CRPPA: variants seen among roughly 807,000 people sequenced by gnomAD.
CRPPA encodes the protein D-ribitol-5-phosphate cytidylyltransferase.
CRPPA carries 43 observed loss-of-function variants against 52.0 expected under a neutral mutation model. The observed-to-expected ratio is 0.83, with a 90% CI of 0.65 to 1.07. The LOEUF is 1.07. Among genes scored for constraint, CRPPA ranks in the 50% least tolerant of loss-of-function variants. The probability of loss-of-function intolerance (pLI) is 0.00; values close to 1 mark genes in which losing one functional copy is unlikely to be tolerated. For synonymous variants in CRPPA, 250 were observed against 203.5 expected, an observed-to-expected ratio of 1.23 and a Z score of -1.94; for missense variants, 629 against 551.7, an observed-to-expected ratio of 1.14 and a Z score of -1.40.
In CRPPA at chr7:16,277,906, G is replaced by A. The variant is rs184997230; in HGVS notation, c.933+223C>T. On this transcript the variant is annotated intron_variant, in intron 6 of 9. Coordinates refer to ENST00000407010, the MANE Select transcript of CRPPA (RefSeq NM_001101426.4). ...CATCAGGCAGGGCTTCCTAAAGGTC[G>A]TCACACATGGACACTGGAAAAAAAT... Among the ~76,000 whole-genome samples, 526 of 152,138 alleles carry A rather than the reference G, an allele frequency of 3.5e-3. 5 individuals carry two copies. The highest frequency in any genetic ancestry group is 0.012 in the African/African-American group (498 of 41,504).
rs184714356 is a variant in CRPPA, at chr7:16,212,128, T to C, written c.1251+3938A>G. The stretch of plus-strand genomic sequence containing the variant: ...ATTTGTATGTCTCCTAGATCTGCAG[T>C]CGTAGGAACAAAAGAAAACGTAGAA... On this transcript the variant is annotated intron_variant, in intron 9 of 9. Coordinates refer to ENST00000407010, the MANE Select transcript of CRPPA (RefSeq NM_001101426.4). Among the ~76,000 whole-genome samples, 3 of 152,238 alleles carry C rather than the reference T, an allele frequency of 2.0e-5. No homozygotes were observed. The East Asian group carries it at 5.8e-4, about 29-fold the overall frequency.
At chr7:16,235,824 A>G (rs1782936590) in intron 8 of CRPPA, 2 of 152,084 alleles carry the variant, frequency 1.3e-5, no homozygotes, top group African/African-American at 4.8e-5. Flanking sequence ...ACTCATGAAC[A>G]TTATGTGATA....
chr7:16,230,782 T>G (rs1277913879), intron 8 of CRPPA, among the ~76,000 whole-genome samples: 1 of 152,206 alleles, frequency 6.6e-6, no homozygotes, highest in African/African-American at 2.4e-5. Context: ...GATAGGGATT[T>G]GGCTTTGCCT....
At chr7:16,390,076 A>G (rs1213152915) in intron 2 of CRPPA, among the ~76,000 whole-genome samples, 1 of 151,286 alleles carries the variant, frequency 6.6e-6, no homozygotes, top group Admixed American at 6.6e-5. Flanking sequence ...TTCAGAAGTT[A>G]CTACAAAAAC....
chr7:16,093,093 C>A (rs1459494199), intron 9 of CRPPA, among the ~76,000 whole-genome samples: 2 of 152,162 alleles, frequency 1.3e-5, no homozygotes, highest in Non-Finnish European at 2.9e-5. Flanking sequence ...GTGAATTCCT[C>A]TAGCACACCG....
At chr7:16,247,992 G>A (rs1583463623) in intron 8 of CRPPA, 1 of 151,870 alleles carries the variant, frequency 6.6e-6, no homozygotes, top group Non-Finnish European at 1.5e-5. Flanking sequence ...ATTTACAGAG[G>A]CAATAAAAAA....
At chr7:16,337,661 A>G (rs1004445470) in intron 3 of CRPPA, among the ~76,000 whole-genome samples, 2 of 152,150 alleles carry the variant, frequency 1.3e-5, no homozygotes, top group African/African-American at 4.8e-5. Context: ...GACTACTCAA[A>G]TAAGATCAGA....
intron 9 of CRPPA, among the ~76,000 whole-genome samples, chr7:16,097,613 T>A (rs1189368975): frequency 6.6e-6 from 1 of 152,144 alleles, no homozygotes; most frequent in Non-Finnish European, 1.5e-5. Flanking sequence ...CACATGCCAG[T>A]CTTTGTGTGC....
chr7:16,166,791 C>G (rs1225439406), intron 9 of CRPPA, among the ~76,000 whole-genome samples: 1 of 152,144 alleles, frequency 6.6e-6, no homozygotes, highest in Non-Finnish European at 1.5e-5. Context: ...CCCAGCACTA[C>G]TCTGTAAAAA....
intron 3 of CRPPA, among the ~76,000 whole-genome samples, chr7:16,348,036 G>A (rs1035280291): frequency 1.3e-5 from 2 of 152,044 alleles, no homozygotes; most frequent in Admixed American, 6.6e-5. Flanking sequence ...GGAGATTTAC[G>A]ACACATTCTT....
chr7:16,342,782 A>AAAAAAAAAAAAAAATATAT (rs1554335212), intron 3 of CRPPA, among the ~76,000 whole-genome samples: 3 of 76,536 alleles, frequency 3.9e-5, no homozygotes, highest in African/African-American at 4.8e-5. Context: ...AAAAAAAAAA[A>AAAAAAAAAAAAAAATATAT]ATATATATAT....
At chr7:16,223,352 A>G (rs1301086023) in intron 8 of CRPPA, among the ~76,000 whole-genome samples, 2 of 152,178 alleles carry the variant, frequency 1.3e-5, no homozygotes, top group African/African-American at 4.8e-5. Flanking sequence ...TTACAGGAAA[A>G]CTTTAAGACA....
At chr7:16,337,240 G>A (rs553413988) in intron 3 of CRPPA, among the ~76,000 whole-genome samples, 1 of 152,232 alleles carries the variant, frequency 6.6e-6, no homozygotes, top group South Asian at 2.1e-4. Context: ...TTAAGTTTAA[G>A]AGGCTTGAAA....
intron 9 of CRPPA, among the ~76,000 whole-genome samples, chr7:16,119,587 A>G (rs1250046286): frequency 1.3e-5 from 2 of 152,236 alleles, no homozygotes; most frequent in Non-Finnish European, 2.9e-5. Context: ...TATGACCTTT[A>G]TAACAGTCAT....
At chr7:16,273,227 C>T (rs534870246) in intron 6 of CRPPA, among the ~76,000 whole-genome samples, 25 of 151,868 alleles carry the variant, frequency 1.6e-4, no homozygotes, top group African/African-American at 5.8e-4. Context: ...GGGCCACACC[C>T]TTAGGCCTGG....
chr7:16,343,671 A>G (rs557326788), intron 3 of CRPPA, among the ~76,000 whole-genome samples: 183 of 152,344 alleles, frequency 1.2e-3, no homozygotes, highest in Middle Eastern at 3.4e-3. Flanking sequence ...CTACCAAAAC[A>G]CTTAAAAGGA....
At chr7:16,342,267 G>C (rs1785865747) in intron 3 of CRPPA, among the ~76,000 whole-genome samples, 2 of 152,008 alleles carry the variant, frequency 1.3e-5, no homozygotes, top group South Asian at 2.1e-4. Context: ...TTGTGAATAA[G>C]AGCTTAAACA....
At chr7:16,291,015 T>A (rs1050832844) in intron 5 of CRPPA, among the ~76,000 whole-genome samples, 1 of 151,808 alleles carries the variant, frequency 6.6e-6, no homozygotes, top group Non-Finnish European at 1.5e-5. Flanking sequence ...GGCCAACAGG[T>A]ATATTAAAAC....
intron 9 of CRPPA, among the ~76,000 whole-genome samples, chr7:16,174,291 T>C (rs1371728663): frequency 6.6e-6 from 1 of 152,164 alleles, no homozygotes. Context: ...TTGCCAGTCT[T>C]CATTTTATGA....
Sources: allele counts gnomAD v4.1 joint callset (sites outside exome capture counted in the v4.1 genomes callset), GRCh38; gene constraint gnomAD v4.1.1; transcripts MANE v1.5; gene names NCBI Gene and HGNC (gene_info 2026-07-23, HGNC 2026-07-21).